NIPBL: variants seen among roughly 807,000 people sequenced by gnomAD.
The protein encoded by NIPBL is nipped-B-like protein.
Under a neutral mutation model 321.8 loss-of-function variants are expected in NIPBL, and 19 were observed. The ratio of observed to expected loss-of-function variants is 0.06; its 90% CI spans 0.04 to 0.09. The LOEUF is 0.09. NIPBL is among the 10% of genes least tolerant of loss of function. The probability of loss-of-function intolerance (pLI) is 1.00; values close to 1 mark genes in which losing one functional copy is unlikely to be tolerated. For missense variants in NIPBL, 2,210 were observed against 3,327.0 expected (o/e 0.66, Z 8.26); for synonymous variants, 1,106 against 1,114.1 (o/e 0.99, Z 0.14).
At chr5:37,043,542 CA>C (rs1561204138) in intron 34 of NIPBL, among the ~76,000 whole-genome samples, 1 of 150,054 alleles carries the variant, frequency 6.7e-6, no homozygotes, top group Non-Finnish European at 1.5e-5. Context: ...AAAAAAAAGA[CA>C]ATTAAAAAAT....
At chr5:36,932,691 A>G (rs1342583204) in intron 1 of NIPBL, among the ~76,000 whole-genome samples, 1 of 146,008 alleles carries the variant, frequency 6.8e-6, no homozygotes, top group East Asian at 2.0e-4. Flanking sequence ...GATTTTTGAT[A>G]TGGGTGAATT....
At chr5:37,031,619 G>C (rs974732751) in intron 32 of NIPBL, among the ~76,000 whole-genome samples, 2 of 152,196 alleles carry the variant, frequency 1.3e-5, no homozygotes, top group Non-Finnish European at 2.9e-5. Flanking sequence ...ATGAAAAACA[G>C]TTAAGAGTAA....
chr5:37,024,317 AT>A (rs1383141294), intron 29 of NIPBL, among the ~76,000 whole-genome samples: 1 of 152,118 alleles, frequency 6.6e-6, no homozygotes, highest in African/African-American at 2.4e-5. Flanking sequence ...TTCTCATTTA[AT>A]TTTGACAAGC....
intron 1 of NIPBL, among the ~76,000 whole-genome samples, chr5:36,935,552 A>G (rs910213409): frequency 1.3e-5 from 2 of 152,132 alleles, no homozygotes; most frequent in African/African-American, 4.8e-5. Context: ...TTGTATTAGA[A>G]TTGCTGTATC....
intron 1 of NIPBL, among the ~76,000 whole-genome samples, chr5:36,952,117 T>A (rs1435185831): frequency 6.6e-6 from 1 of 151,048 alleles, no homozygotes; most frequent in African/African-American, 2.4e-5. Flanking sequence ...GCAATAGGTC[T>A]TATATTTATA....
chr5:36,917,112 C>A (rs775838609), intron 1 of NIPBL, among the ~76,000 whole-genome samples: 37 of 152,158 alleles, frequency 2.4e-4, no homozygotes, highest in Non-Finnish European at 5.1e-4. Context: ...TTTACAGTCC[C>A]ACCAACAGTG....
chr5:36,888,974 A>G (rs1746122126), intron 1 of NIPBL, among the ~76,000 whole-genome samples: 1 of 152,180 alleles, frequency 6.6e-6, no homozygotes, highest in Non-Finnish European at 1.5e-5. Context: ...ATCTAAAGGC[A>G]GTTTACAAAG....
chr5:37,008,234 A>G, intron 19 of NIPBL, 146 bp downstream of exon 19: 1 of 639,670 alleles, frequency 1.6e-6, no homozygotes, highest in Non-Finnish European at 2.8e-6. Context: ...AAGTCTTATT[A>G]GACTTTATTA....
chr5:36,958,048 T>G, intron 3 of NIPBL, 56 bp from the exon 4 acceptor site: 1 of 1,565,434 alleles, frequency 6.4e-7, no homozygotes, highest in Admixed American at 1.7e-5. Context: ...ATATGATAAG[T>G]CTTCTTAAGA....
Position 36,958,236 on chromosome 5 carries a change from GT to G in NIPBL, c.358+8del. On this transcript the variant is annotated splice_donor_region_variant and intron_variant, in intron 4 of 46. Transcript: ENST00000282516. ...AGAACAGATATGTACAAAGTGGTGA[GT>G]TTCTTAATAACTGAATTCCCATATC... The G allele has an allele frequency of 6.2e-7, 1 of 1,613,142 alleles. No individual in the cohort carries two copies. Among genetic ancestry groups the G allele is most frequent in the African/African-American group, 1.3e-5 (1 of 75,012 alleles).
At chr5:36,915,603 A>AG (rs1387996445) in intron 1 of NIPBL, among the ~76,000 whole-genome samples, 1 of 152,168 alleles carries the variant, frequency 6.6e-6, no homozygotes, top group Non-Finnish European at 1.5e-5. Context: ...TATGGAATGA[A>AG]GGGGAGAGAG....
chr5:37,034,129 C>T (rs1041283214), intron 32 of NIPBL, among the ~76,000 whole-genome samples: 2 of 152,028 alleles, frequency 1.3e-5, no homozygotes, highest in Non-Finnish European at 2.9e-5. Flanking sequence ...CATATAGGAC[C>T]TATACTGTGT....
chr5:36,989,362 T>C (rs75906296), intron 10 of NIPBL, among the ~76,000 whole-genome samples: 5,184 of 152,234 alleles, frequency 0.034, 112 homozygotes, highest in South Asian at 0.081. Flanking sequence ...ATCACCATGT[T>C]TATTCCTTGC....
intron 6 of NIPBL, among the ~76,000 whole-genome samples, chr5:36,967,719 G>T (rs150274296): frequency 6.6e-6 from 1 of 152,174 alleles, no homozygotes; most frequent in African/African-American, 2.4e-5. Context: ...TACAGATGGG[G>T]TCTTGCTGTA....
chr5:37,048,957 ACACACACACACACT>A (rs1753244635), intron 39 of NIPBL, among the ~76,000 whole-genome samples, 140 bp from the exon 40 acceptor site: 1 of 152,040 alleles, frequency 6.6e-6, no homozygotes, highest in Admixed American at 6.6e-5. Flanking sequence ...ACACACACAC[ACACACACACACACT>A]CACACACAGA....
intron 21 of NIPBL, among the ~76,000 whole-genome samples, chr5:37,011,455 TGAAACAGGAGGGTC>T (rs1748112484): frequency 6.6e-6 from 1 of 152,100 alleles, no homozygotes; most frequent in Admixed American, 6.5e-5. Context: ...CTCAGGAGGC[TGAAACAGGAGGGTC>T]GATTGAGCCT....
At chr5:37,064,350 A>G (rs1561232641) in intron 46 of NIPBL, 177 bp from the exon 47 acceptor site, 1 of 985,218 alleles carries the variant, frequency 1.0e-6, no homozygotes, top group African/African-American at 1.7e-5. Context: ...ATGGTTTTAC[A>G]AGTATATGTT....
intron 4 of NIPBL, among the ~76,000 whole-genome samples, chr5:36,959,627 ATTAG>A (rs1316126935): frequency 6.6e-6 from 1 of 152,222 alleles, no homozygotes; most frequent in Non-Finnish European, 1.5e-5. Context: ...GAGTAGGAGT[ATTAG>A]TTTTATGAGA....
chr5:36,972,084 GA>G, intron 8 of NIPBL, 43 bp downstream of exon 8: 1 of 1,320,374 alleles, frequency 7.6e-7, no homozygotes, highest in Non-Finnish European at 1.1e-6. Flanking sequence ...TTTTATATTT[GA>G]AGTTGAATAA....
Sources: gnomAD v4.1 joint callset for allele counts (sites outside exome capture counted in the v4.1 genomes callset) on GRCh38, gnomAD v4.1.1 for gene constraint, MANE v1.5 for transcripts, NCBI Gene and HGNC (gene_info 2026-07-23, HGNC 2026-07-21) for gene names.